Variants in SRRM3 observed in about 807,000 individuals in gnomAD.
SRRM3 encodes the protein serine/arginine repetitive matrix 3.
In SRRM3, 27 loss-of-function variants were observed where a neutral mutation model predicts 66.2. The ratio of observed to expected loss-of-function variants is 0.41; its 90% confidence interval spans 0.30 to 0.56. The LOEUF is 0.56. Among genes scored for constraint, SRRM3 ranks in the 20% least tolerant of loss-of-function variants. The pLI is 0.32. For missense variants in SRRM3, 918 were observed against 991.9 expected (o/e 0.93, Z 1.00); for synonymous variants, 391 against 414.9 (o/e 0.94, Z 0.70).
At chr7:76,246,849 G>A (rs1003573284) in intron 2 of SRRM3, among the ~76,000 whole-genome samples, 7 of 152,218 alleles carry the variant, frequency 4.6e-5, no homozygotes, top group Non-Finnish European at 8.8e-5. Context: ...CCCCAAGAGT[G>A]CAGCAGTCCT....
intron 1 of SRRM3, among the ~76,000 whole-genome samples, chr7:76,219,964 T>A (rs1409013024): frequency 2.6e-5 from 4 of 152,060 alleles, no homozygotes; most frequent in African/African-American, 9.7e-5. Context: ...GCTTACAAAG[T>A]AGATGACCAT....
At chr7:76,207,272 A>T (rs1800324694) in intron 1 of SRRM3, among the ~76,000 whole-genome samples, 1 of 152,148 alleles carries the variant, frequency 6.6e-6, no homozygotes, top group Non-Finnish European at 1.5e-5. Flanking sequence ...ACTACACTCC[A>T]GCCTGGGCGA....
rs1224790749 is a variant in SRRM3 at position 76,234,478 on chromosome 7, A to G, written c.-39-550A>G. Among the ~76,000 whole-genome samples, 3 of 152,300 alleles carry G rather than the reference A, an allele frequency of 2.0e-5. 1 individual carries two copies. In the South Asian group the frequency reaches 6.2e-4, roughly 32 times the overall value. ...AGTTGGCCAGATCAAACAGAGAGCT[A>G]AAATCTGCCTCTGGGGTGGGAATAG... On this transcript the variant is annotated intron_variant, in intron 1 of 14. Transcript: ENST00000611745.
intron 3 of SRRM3, among the ~76,000 whole-genome samples, chr7:76,253,974 C>CA (rs1224131531): frequency 6.6e-6 from 1 of 151,914 alleles, no homozygotes; most frequent in Non-Finnish European, 1.5e-5. Context: ...CAGGAGGTTC[C>CA]AAGACCTTGT....
intron 1 of SRRM3, among the ~76,000 whole-genome samples, chr7:76,222,877 A>G (rs981549726): frequency 6.6e-6 from 1 of 151,976 alleles, no homozygotes; most frequent in Non-Finnish European, 1.5e-5. Context: ...CAGCCTCCCA[A>G]AGTGCTGGAA....
chr7:76,244,923 G>C (rs1801401017), intron 2 of SRRM3, among the ~76,000 whole-genome samples: 2 of 152,240 alleles, frequency 1.3e-5, no homozygotes, highest in South Asian at 4.1e-4. Context: ...CATGGGGCCA[G>C]GTGCTGGGAC....
intron 2 of SRRM3, among the ~76,000 whole-genome samples, chr7:76,246,710 G>A (rs377495275): frequency 3.9e-5 from 6 of 152,138 alleles, no homozygotes; most frequent in East Asian, 3.9e-4. Flanking sequence ...TGGGGACCCC[G>A]GGATGACATC....
intron 1 of SRRM3, among the ~76,000 whole-genome samples, chr7:76,223,010 G>A (rs782370403): frequency 1.3e-4 from 20 of 151,938 alleles, no homozygotes; most frequent in African/African-American, 1.7e-4. Context: ...CCTTTGTCCC[G>A]CCAACTCCTA....
intron 10 of SRRM3, among the ~76,000 whole-genome samples, chr7:76,266,567 A>G (rs1347426574): frequency 1.7e-5 from 2 of 117,588 alleles, no homozygotes; most frequent in African/African-American, 3.4e-5. Flanking sequence ...TATATAATAT[A>G]TAAACATTTA....
chr7:76,286,303 A>C lies in SRRM3; in HGVS notation c.*460A>C. ...ACACAGCTCCCTCCACTCCTCTCTT[A>C]TCACTGGGCAGACGAGGAGGTGGTA... On this transcript the variant is annotated 3_prime_UTR_variant, in exon 15 of 15. Coordinates refer to ENST00000611745, the MANE Select transcript of SRRM3 (RefSeq NM_001110199.3). The C allele has an allele frequency of 5.6e-6, 1 of 179,292 alleles. No homozygotes were observed. The highest frequency in any genetic ancestry group is 2.4e-5 in the African/African-American group (1 of 42,148). 11.1% of individuals were successfully genotyped at this position (179,292 alleles called of 1,614,324 possible). A position where few individuals can be genotyped will look rare whatever the true frequency, so the allele number is the denominator to read the frequency against.
intron 11 of SRRM3, among the ~76,000 whole-genome samples, chr7:76,270,229 A>G (rs1199039742): frequency 2.0e-5 from 3 of 152,216 alleles, no homozygotes; most frequent in Non-Finnish European, 4.4e-5. Context: ...TCAGTTTAGT[A>G]TAATGGGCTG....
intron 11 of SRRM3, among the ~76,000 whole-genome samples, chr7:76,274,760 G>A (rs1218778075): frequency 2.0e-5 from 3 of 152,112 alleles, no homozygotes; most frequent in African/African-American, 7.2e-5. Context: ...CCCCACCTCC[G>A]CACCCCTGCC....
Position 76,267,366 on chromosome 7 carries a change from G to C in SRRM3, c.939G>C (p.Arg313=), listed in dbSNP as rs1169800434. The part of the protein sequence containing the change: ...SGGSGWGSPQ[R]NGGSGQRSGA... ...GCAGCGGATGGGGGTCGCCCCAGCG[G>C]AACGGCGGCAGCGGGCAGCGGAGCG... The change falls in exon 11 of 15, where the codon CGG becomes CGC. Residue 313 remains arginine, a synonymous_variant. Transcript: ENST00000611745. The C allele has an allele frequency of 1.4e-6, 2 of 1,474,576 alleles. No individual in the cohort carries two copies. Among genetic ancestry groups the C allele is most frequent in the African/African-American group, 1.5e-5 (1 of 67,300 alleles). The allele number at this position is 1,474,576 out of a possible 1,614,324, so 91.3% of individuals were successfully genotyped here.
intron 1 of SRRM3, among the ~76,000 whole-genome samples, chr7:76,209,731 A>G (rs1473870247): frequency 2.0e-5 from 3 of 151,890 alleles, no homozygotes; most frequent in Non-Finnish European, 4.4e-5. Flanking sequence ...CAGCCTTCCA[A>G]GTGGCTGGGA....
intron 5 of SRRM3, among the ~76,000 whole-genome samples, chr7:76,260,588 A>C (rs1554608523): frequency 1.8e-5 from 2 of 111,260 alleles, no homozygotes; most frequent in Non-Finnish European, 3.6e-5. Context: ...TCCGCCCCTC[A>C]CTGAGCCCTT....
At chr7:76,227,655 C>T (rs2116978669) in intron 1 of SRRM3, among the ~76,000 whole-genome samples, 1 of 152,322 alleles carries the variant, frequency 6.6e-6, no homozygotes, top group Admixed American at 6.5e-5. Flanking sequence ...GTTTACCTGT[C>T]AGTCTCCTGA....
At chr7:76,263,401 G>A (rs1248209923) in intron 8 of SRRM3, among the ~76,000 whole-genome samples, 3 of 152,212 alleles carry the variant, frequency 2.0e-5, no homozygotes, top group Non-Finnish European at 4.4e-5. Flanking sequence ...GATTGGGGTT[G>A]GGTGAGACCT....
Position 76,281,639 on chromosome 7 carries a change from C to G in SRRM3, c.1207C>G (p.Pro403Ala). Residue 403 changes from proline to alanine, a missense_variant, in exon 12 of 15, where the codon CCC becomes GCC. Physicochemically the swap from Pro to Ala is conservative, Grantham distance 27 (BLOSUM62 -1). Transcript: ENST00000611745. ...GCGCTCGCGGTCCTCGGCGTCCGCG[C>G]CCCGCCGCAGGGGTCGCCGGCGCCC... ...RRRSRSSASA[P>A]RRRGRRRPRP... is the part of the protein sequence containing the mutation. 1 of 972,948 alleles carries G rather than the reference C, an allele frequency of 1.0e-6. No homozygotes were observed. Among genetic ancestry groups the G allele is most frequent in the Non-Finnish European group, 1.2e-6 (1 of 821,262 alleles). 60.3% of individuals were successfully genotyped at this position (972,948 alleles called of 1,614,324 possible).
intron 1 of SRRM3, among the ~76,000 whole-genome samples, chr7:76,226,683 T>C (rs951546693): frequency 6.6e-6 from 1 of 152,288 alleles, no homozygotes; most frequent in South Asian, 2.1e-4. Context: ...CTCCGCCTCC[T>C]GAGTTCAAGC....
Sources: allele counts gnomAD v4.1 joint callset (sites outside exome capture counted in the v4.1 genomes callset), GRCh38; gene constraint gnomAD v4.1.1; transcripts MANE v1.5; gene names NCBI Gene and HGNC (gene_info 2026-07-23, HGNC 2026-07-21).